FMNL2: variants seen among roughly 807,000 people sequenced by gnomAD.
FMNL2 encodes formin like 2.
FMNL2 carries 51 observed loss-of-function variants against 130.2 expected under a neutral mutation model. That is an observed-to-expected ratio of 0.39 (90% CI 0.31 to 0.49). The LOEUF is 0.49. Among genes scored for constraint, FMNL2 ranks in the 20% least tolerant of loss-of-function variants. FMNL2 has a pLI of 0.85. For missense variants in FMNL2, 977 were observed against 1,316.2 expected (o/e 0.74, Z 3.99); for synonymous variants, 465 against 467.1 (o/e 1.00, Z 0.06).
intron 1 of FMNL2, among the ~76,000 whole-genome samples, chr2:152,397,392 A>G (rs866852517): frequency 1.6e-4 from 24 of 151,768 alleles, no homozygotes; most frequent in African/African-American, 4.8e-4. Context: ...TAGGGGGAAA[A>G]AAAAAAATGA....
At chr2:152,336,805 C>T (rs545169970) in intron 1 of FMNL2, among the ~76,000 whole-genome samples, 4 of 152,304 alleles carry the variant, frequency 2.6e-5, no homozygotes, top group Admixed American at 1.3e-4. Flanking sequence ...AGTTGGTTAC[C>T]TCTAAACTCC....
At chr2:152,641,275 A>G (rs1683062263) in intron 25 of FMNL2, among the ~76,000 whole-genome samples, 1 of 152,208 alleles carries the variant, frequency 6.6e-6, no homozygotes, top group African/African-American at 2.4e-5. Flanking sequence ...ATCACAGTCC[A>G]TGGATGCTCT....
intron 1 of FMNL2, among the ~76,000 whole-genome samples, chr2:152,480,420 C>G (rs1029834876): frequency 1.3e-5 from 2 of 151,934 alleles, no homozygotes; most frequent in Admixed American, 6.6e-5. Flanking sequence ...CACCTGCGGT[C>G]GGAGTCCAGA....
At position 152,521,963 on chromosome 2, in the gene FMNL2, T is replaced by C. The variant is rs777140418; in HGVS notation, c.138T>C (p.Pro46=). 4.6e-5 allele frequency: 75 copies of C among 1,612,946 alleles called. 1 individual carries two copies. In the Middle Eastern group the frequency reaches 1.5e-3, roughly 32 times the overall value. Residue 46 remains proline (P), a synonymous_variant, in exon 2 of 26, where the codon CCT becomes CCC. Transcript: ENST00000288670. ...AIVLNAMNLP[P]DKARLLRQYD... ...AACAGAATGCTATGAACCTACCTCCTGACAAAGCCAGGTTACTGCGGCAGT... is the reference window on the plus strand; with the variant it reads ...AACAGAATGCTATGAACCTACCTCCCGACAAAGCCAGGTTACTGCGGCAGT...
intron 1 of FMNL2, among the ~76,000 whole-genome samples, chr2:152,483,490 C>T (rs1690644202): frequency 6.6e-6 from 1 of 152,176 alleles, no homozygotes; most frequent in Admixed American, 6.5e-5. Flanking sequence ...TGGCACATAA[C>T]AATGCATGGT....
intron 21 of FMNL2, among the ~76,000 whole-genome samples, chr2:152,634,759 G>C (rs1205725234): frequency 6.6e-6 from 1 of 152,188 alleles, no homozygotes; most frequent in East Asian, 1.9e-4. Flanking sequence ...TGTTGTCGTG[G>C]AGAACTGGAC....
At chr2:152,439,080 TG>T (rs952137333) in intron 1 of FMNL2, among the ~76,000 whole-genome samples, 9 of 836 alleles carry the variant, frequency 0.011, no homozygotes, top group African/African-American at 0.042. Flanking sequence ...TCAGTTTAAT[TG>T]TGTGTGTGTG....
At chr2:152,501,795 T>A (rs1691850917) in intron 1 of FMNL2, among the ~76,000 whole-genome samples, 1 of 152,186 alleles carries the variant, frequency 6.6e-6, no homozygotes, top group Non-Finnish European at 1.5e-5. Flanking sequence ...AAGTCCATAC[T>A]GTACTGTTTC....
chr2:152,615,099 G>A (rs1327604170), intron 12 of FMNL2, 99 bp downstream of exon 12: 2 of 1,363,492 alleles, frequency 1.5e-6, no homozygotes, highest in African/African-American at 1.5e-5. Context: ...AGGATTTGGA[G>A]TATAGGAATA....
intron 1 of FMNL2, among the ~76,000 whole-genome samples, chr2:152,449,552 A>C (rs1486115710): frequency 6.6e-6 from 1 of 152,168 alleles, no homozygotes; most frequent in Non-Finnish European, 1.5e-5. Flanking sequence ...GAGGTTTAAA[A>C]TTACATGCTT....
chr2:152,500,804 C>T (rs1269633452), intron 1 of FMNL2, among the ~76,000 whole-genome samples: 2 of 150,464 alleles, frequency 1.3e-5, no homozygotes, highest in Non-Finnish European at 3.0e-5. Flanking sequence ...GAGCCGAGAT[C>T]ACACCACTTC....
chr2:152,630,463 G>A (rs962739021), intron 20 of FMNL2, among the ~76,000 whole-genome samples: 1 of 152,076 alleles, frequency 6.6e-6, no homozygotes, highest in Non-Finnish European at 1.5e-5. Flanking sequence ...TTAAATTTTT[G>A]TTGTTGTTGT....
chr2:152,545,733 G>C (rs1472881348), intron 3 of FMNL2, among the ~76,000 whole-genome samples: 6 of 152,124 alleles, frequency 3.9e-5, no homozygotes, highest in Non-Finnish European at 2.9e-5. Context: ...GATCCTCTGT[G>C]GCTCCCCATG....
chr2:152,558,705 T>A lies in FMNL2; in HGVS notation c.360-35T>A, dbSNP rs1216385840. 3 of 1,550,598 alleles carry A rather than the reference T, an allele frequency of 1.9e-6. No homozygotes were observed. The East Asian group carries it at 7.0e-5, about 36-fold the overall frequency. On this transcript the variant is annotated intron_variant, in intron 4 of 25. Coordinates refer to ENST00000288670, the MANE Select transcript of FMNL2 (RefSeq NM_052905.4). The stretch of plus-strand genomic sequence containing the variant: ...TTCCATGGCAGGTCATGTGATCAAT[T>A]TCTCCAATGATTTTTTTTTTTTTTT...
At chr2:152,617,328 T>G (rs1699009371) in intron 13 of FMNL2, 136 bp downstream of exon 13, 1 of 761,168 alleles carries the variant, frequency 1.3e-6, no homozygotes, top group East Asian at 2.7e-5. Flanking sequence ...CTTTGAGAGG[T>G]GATGCTCAGT....
chr2:152,486,055 G>A (rs987124759), intron 1 of FMNL2, among the ~76,000 whole-genome samples: 16 of 152,238 alleles, frequency 1.1e-4, no homozygotes, highest in Non-Finnish European at 1.8e-4. Context: ...GGTATCTTGA[G>A]GCCTAAGATA....
chr2:152,457,739 A>G (rs1689036947), intron 1 of FMNL2, among the ~76,000 whole-genome samples: 1 of 152,246 alleles, frequency 6.6e-6, no homozygotes, highest in African/African-American at 2.4e-5. Context: ...CAGAAGTCCA[A>G]CATGGGTCCC....
chr2:152,607,212 G>A, intron 9 of FMNL2, 127 bp from the exon 10 acceptor site: 2 of 757,746 alleles, frequency 2.6e-6, no homozygotes, highest in Non-Finnish European at 4.4e-6. Flanking sequence ...TAGAAGGGAA[G>A]TAAATAGTTT....
rs3080636 is a variant in FMNL2 at position 152,646,157 on chromosome 2, CA to C, written c.3170-1626del. 7.9e-4 allele frequency among the ~76,000 whole-genome samples: 92 copies of C among 116,862 alleles called. 1 individual carries two copies. The highest frequency in any genetic ancestry group is 2.3e-3 in the South Asian group (8 of 3,526). The allele number at this position is 116,862 out of a possible 152,430, so 76.7% of individuals were successfully genotyped here. A position where few individuals can be genotyped will look rare whatever the true frequency, so the allele number is the denominator to read the frequency against. On this transcript the variant is annotated intron_variant, in intron 25 of 25. Coordinates refer to ENST00000288670, the MANE Select transcript of FMNL2 (RefSeq NM_052905.4). ...CAATGAAGCAAAATCCCCATCTCTA[CA>C]AAAAAAAAAAAACAAACAAACAAAG...
Sources: allele counts gnomAD v4.1 joint callset (sites outside exome capture counted in the v4.1 genomes callset), GRCh38; gene constraint gnomAD v4.1.1; transcripts MANE v1.5; gene names NCBI Gene and HGNC (gene_info 2026-07-23, HGNC 2026-07-21).